The following RGS17 variants were observed in gnomAD, a reference collection of about 807,000 sequenced individuals.
RGS17 encodes the protein regulator of G protein signaling 17.
Under a neutral mutation model 25.5 loss-of-function variants are expected in RGS17, and 12 were observed. The observed-to-expected ratio is 0.47, with a 90% CI of 0.30 to 0.76. The LOEUF is 0.76. Among genes scored for constraint, RGS17 ranks in the 30% least tolerant of loss-of-function variants. The pLI, the probability that RGS17 is intolerant of heterozygous loss-of-function variation, is 0.07. For synonymous variants in RGS17, 71 were observed against 76.9 expected (o/e 0.92, Z 0.40); for missense variants, 196 against 242.2 (o/e 0.81, Z 1.27).
chr6:153,014,730 A>G (rs1356348937), intron 4 of RGS17, among the ~76,000 whole-genome samples: 3 of 151,784 alleles, frequency 2.0e-5, no homozygotes, highest in African/African-American at 7.3e-5. Context: ...CCTGGGAGGC[A>G]GAGCTTGCAG....
intron 1 of RGS17, among the ~76,000 whole-genome samples, chr6:153,062,868 A>G (rs746917351): frequency 2.6e-5 from 4 of 152,134 alleles, no homozygotes; most frequent in Non-Finnish European, 5.9e-5. Context: ...CTTCTGTATG[A>G]CATTGCTAGA....
chr6:153,031,186 T>C (rs1011235289), intron 2 of RGS17, among the ~76,000 whole-genome samples: 2 of 152,198 alleles, frequency 1.3e-5, no homozygotes, highest in African/African-American at 4.8e-5. Flanking sequence ...AAATGTAGAA[T>C]ATACCTCCTT....
intron 1 of RGS17, among the ~76,000 whole-genome samples, chr6:153,100,511 T>G (rs924994423): frequency 6.7e-6 from 1 of 150,016 alleles, no homozygotes; most frequent in Non-Finnish European, 1.5e-5. Flanking sequence ...CCTATATGTA[T>G]GTAAAATTAT....
chr6:153,059,604 G>T (rs191776869), intron 1 of RGS17, among the ~76,000 whole-genome samples: 90 of 152,196 alleles, frequency 5.9e-4, no homozygotes, highest in Non-Finnish European at 9.7e-4. Context: ...GTAATTGTAA[G>T]GAATAAAAGA....
At chr6:153,022,033 C>A (rs892364286) in intron 4 of RGS17, among the ~76,000 whole-genome samples, 14 of 152,194 alleles carry the variant, frequency 9.2e-5, no homozygotes, top group South Asian at 4.1e-4. Flanking sequence ...CATGGTGAAA[C>A]CCTGTCACCA....
At chr6:153,126,505 T>G (rs1777706606) in intron 1 of RGS17, among the ~76,000 whole-genome samples, 1 of 152,086 alleles carries the variant, frequency 6.6e-6, no homozygotes, top group South Asian at 2.1e-4. Context: ...TTTTAAAAAA[T>G]TAATATTAGC....
intron 1 of RGS17, among the ~76,000 whole-genome samples, chr6:153,119,751 G>A (rs376752671): frequency 2.0e-5 from 3 of 152,286 alleles, no homozygotes; most frequent in Admixed American, 6.5e-5. Context: ...ATACATGTCC[G>A]CTGATTCTAA....
chr6:153,087,324 A>G (rs542605514), intron 1 of RGS17, among the ~76,000 whole-genome samples: 2 of 152,348 alleles, frequency 1.3e-5, no homozygotes, highest in South Asian at 4.1e-4. Flanking sequence ...GAGATGATGT[A>G]GAAAACACAG....
chr6:153,024,457 T>C lies in RGS17; in HGVS notation c.249A>G (p.Gln83=). 6.2e-7 allele frequency: 1 copy of C among 1,614,172 alleles called. No homozygotes were observed. The highest frequency in any genetic ancestry group is 8.5e-7 in the Non-Finnish European group (1 of 1,180,014). The change falls in exon 4 of 5, where the codon CAA becomes CAG. Residue 83 remains glutamine, a synonymous_variant. Transcript: ENST00000206262. ...GGGCCTTCATCATCTTGTCAAAATT[T>C]TGAGACCAGGACAAGACTTCCTCTG... is the stretch of plus-strand genomic sequence containing the variant. The part of the protein sequence containing the change: ...PTAEEVLSWS[Q]NFDKMMKAPA...
chr6:153,085,800 C>A (rs1003460348), intron 1 of RGS17, among the ~76,000 whole-genome samples: 1 of 152,108 alleles, frequency 6.6e-6, no homozygotes, highest in Non-Finnish European at 1.5e-5. Flanking sequence ...CAAGAGATTA[C>A]CCTTTAAAAA....
At chr6:153,104,082 G>A (rs1777344968) in intron 1 of RGS17, among the ~76,000 whole-genome samples, 1 of 152,178 alleles carries the variant, frequency 6.6e-6, no homozygotes, top group Non-Finnish European at 1.5e-5. Flanking sequence ...AATATCCTAT[G>A]TATTTACAGA....
At chr6:153,109,734 A>C (rs577861920) in intron 1 of RGS17, among the ~76,000 whole-genome samples, 1 of 152,248 alleles carries the variant, frequency 6.6e-6, no homozygotes, top group Non-Finnish European at 1.5e-5. Context: ...GAGATGAGGA[A>C]AAAAAGGACC....
chr6:153,058,316 G>A (rs1776590737), intron 1 of RGS17, among the ~76,000 whole-genome samples: 1 of 152,088 alleles, frequency 6.6e-6, no homozygotes, highest in African/African-American at 2.4e-5. Context: ...TTATATGGTG[G>A]GATGTAAAGT....
intron 1 of RGS17, among the ~76,000 whole-genome samples, chr6:153,052,840 C>G (rs28495170): frequency 0.39 from 58,602 of 151,972 alleles, 11,999 homozygotes; most frequent in East Asian, 0.62. Flanking sequence ...GAGGTGGGGC[C>G]TATGGACGGG....
chr6:153,065,796 A>G (rs903812093), intron 1 of RGS17, among the ~76,000 whole-genome samples: 6 of 152,158 alleles, frequency 3.9e-5, no homozygotes, highest in African/African-American at 1.4e-4. Flanking sequence ...CTAAGAGTGA[A>G]CTTTATAGAT....
chr6:153,104,018 AT>A (rs1467178778), intron 1 of RGS17, among the ~76,000 whole-genome samples: 2 of 152,210 alleles, frequency 1.3e-5, no homozygotes, highest in Non-Finnish European at 2.9e-5. Flanking sequence ...GTATCTTAGA[AT>A]TATTGAAACA....
intron 2 of RGS17, among the ~76,000 whole-genome samples, chr6:153,038,838 C>T (rs1397660635): frequency 6.6e-6 from 1 of 152,178 alleles, no homozygotes; most frequent in Non-Finnish European, 1.5e-5. Context: ...TTTTGAATTA[C>T]AGAGGCCATG....
intron 1 of RGS17, among the ~76,000 whole-genome samples, chr6:153,053,995 T>TATATAC (rs2129112568): frequency 1.5e-5 from 1 of 66,856 alleles, no homozygotes; most frequent in Non-Finnish European, 2.5e-5. Flanking sequence ...GTATATAATA[T>TATATAC]ATATACATAT....
intron 1 of RGS17, among the ~76,000 whole-genome samples, chr6:153,080,278 CCT>C (rs1472718523): frequency 6.6e-6 from 1 of 152,184 alleles, no homozygotes; most frequent in Non-Finnish European, 1.5e-5. Context: ...CCATGCCCAG[CCT>C]CTGTTTCTCA....
Sources: gnomAD v4.1 joint callset for allele counts (sites outside exome capture counted in the v4.1 genomes callset) on GRCh38, gnomAD v4.1.1 for gene constraint, MANE v1.5 for transcripts, NCBI Gene and HGNC (gene_info 2026-07-23, HGNC 2026-07-21) for gene names.